The following USP31 variants were observed in gnomAD, a reference collection of about 807,000 sequenced individuals.
USP31 encodes the protein ubiquitin carboxyl-terminal hydrolase 31.
Under a neutral mutation model 119.4 loss-of-function variants are expected in USP31, and 44 were observed. The observed-to-expected ratio is 0.37, with a 90% CI of 0.29 to 0.47. USP31 has a LOEUF of 0.47. Among genes scored for constraint, USP31 ranks in the 20% least tolerant of loss-of-function variants. The pLI is 0.99. For missense variants in USP31, 1,643 were observed against 1,730.2 expected (o/e 0.95, Z 0.89); for synonymous variants, 749 against 705.6 (o/e 1.06, Z -0.97).
At chr16:23,148,140 T>C (rs981771516) in intron 1 of USP31, among the ~76,000 whole-genome samples, 6 of 152,106 alleles carry the variant, frequency 3.9e-5, no homozygotes. Context: ...TAAAAAACGG[T>C]TAAATATGGG....
chr16:23,122,747 T>C (rs538640597), intron 1 of USP31, among the ~76,000 whole-genome samples: 17 of 152,156 alleles, frequency 1.1e-4, no homozygotes, highest in Middle Eastern at 3.4e-3. Context: ...CCAGACTAGA[T>C]AGAGACACAA....
In USP31 at chr16:23,062,287, C is replaced by T. The variant is rs927849324; in HGVS notation, c.*5759G>A. 6.6e-6 allele frequency: 1 copy of T among 151,846 alleles called. No individual in the cohort carries two copies. Among genetic ancestry groups the T allele is most frequent in the African/African-American group, 2.4e-5 (1 of 41,190 alleles). 9.4% of individuals were successfully genotyped at this position (151,846 alleles called of 1,614,324 possible). A position where few individuals can be genotyped will look rare whatever the true frequency, so the allele number is the denominator to read the frequency against. Reference sequence around the variant, plus strand: ...TGCCTCCACAGTTAACACAGAGTGCCAAATTCTGGGATGTGTATTACTTAA... The same window carrying T: ...TGCCTCCACAGTTAACACAGAGTGCTAAATTCTGGGATGTGTATTACTTAA... On this transcript the variant is annotated 3_prime_UTR_variant, in exon 16 of 16. Coordinates refer to ENST00000219689, the MANE Select transcript of USP31 (RefSeq NM_020718.4).
At position 23,061,728 on chromosome 16, in the gene USP31, C is replaced by G. The variant is rs927561569; in HGVS notation, c.*6318G>C. ...GAAAATGAAAACGACACAGAAATCA[C>G]TATCCACGGTGCATGAGTAATACCA... On this transcript the variant is annotated 3_prime_UTR_variant, in exon 16 of 16. Coordinates refer to ENST00000219689, the MANE Select transcript of USP31 (RefSeq NM_020718.4). 6.6e-6 allele frequency: 1 copy of G among 152,524 alleles called. No individual in the cohort carries two copies. Among genetic ancestry groups the G allele is most frequent in the South Asian group, 2.1e-4 (1 of 4,836 alleles). The allele number at this position is 152,524 out of a possible 1,614,324, so 9.4% of individuals were successfully genotyped here.
At chr16:23,118,599 C>A (rs183328418) in intron 1 of USP31, among the ~76,000 whole-genome samples, 16 of 152,280 alleles carry the variant, frequency 1.1e-4, no homozygotes, top group Admixed American at 9.2e-4. Flanking sequence ...TATATGACTT[C>A]TTACATTACG....
chr16:23,073,637 G>A, intron 14 of USP31, 85 bp downstream of exon 14: 1 of 1,476,828 alleles, frequency 6.8e-7, no homozygotes, highest in Non-Finnish European at 9.2e-7. Context: ...ACAGAGTCAT[G>A]AGAGCCTCCA....
At chr16:23,085,721 T>C in intron 9 of USP31, 59 bp from the exon 10 acceptor site, 1 of 1,380,510 alleles carries the variant, frequency 7.2e-7, no homozygotes, top group Non-Finnish European at 1.0e-6. Flanking sequence ...CAAATGATTT[T>C]ACTTAATGTG....
Position 23,149,074 on chromosome 16 carries a change from C to A in USP31, c.197G>T (p.Ser66Ile). 1 of 1,272,322 alleles carries A rather than the reference C, an allele frequency of 7.9e-7. No individual in the cohort carries two copies. The highest frequency in any genetic ancestry group is 1.9e-5 in the South Asian group (1 of 52,564). The allele number at this position is 1,272,322 out of a possible 1,614,324, so 78.8% of individuals were successfully genotyped here. ...SSARSVGSFM[S>I]RVLKTLSTLS... is the part of the protein sequence containing the mutation. ...CGTGGACAGCGTCTTGAGAACGCGG[C>A]TCATGAAGCTGCCCACCGAGCGTGC... Residue 66 changes from serine to isoleucine, a missense_variant, in exon 1 of 16, where the codon AGC (serine) becomes ATC (isoleucine). Physicochemically the swap from Ser to Ile is moderately radical, Grantham distance 142 (BLOSUM62 -2). Transcript: ENST00000219689.
chr16:23,081,366 C>G (rs1273500569), intron 12 of USP31, among the ~76,000 whole-genome samples: 4 of 152,176 alleles, frequency 2.6e-5, no homozygotes, highest in Non-Finnish European at 4.4e-5. Flanking sequence ...ACTCTTCACT[C>G]CCATAGGAGC....
At chr16:23,147,104 G>A (rs1012687527) in intron 1 of USP31, among the ~76,000 whole-genome samples, 2 of 151,792 alleles carry the variant, frequency 1.3e-5, no homozygotes, top group Admixed American at 6.6e-5. Flanking sequence ...GTGACTTCAC[G>A]CTGTTTTTGT....
intron 6 of USP31, among the ~76,000 whole-genome samples, chr16:23,093,782 T>C (rs940944361): frequency 5.3e-5 from 8 of 152,118 alleles, no homozygotes; most frequent in African/African-American, 1.9e-4. Flanking sequence ...AAAAAACAAA[T>C]GCCCATCAAT....
intron 13 of USP31, 113 bp downstream of exon 13, chr16:23,079,833 G>T: frequency 3.1e-6 from 3 of 977,246 alleles, no homozygotes; most frequent in Non-Finnish European, 4.4e-6. Flanking sequence ...CCTCACAGTT[G>T]GCACACTGCC....
At chr16:23,135,718 G>C (rs1385581890) in intron 1 of USP31, among the ~76,000 whole-genome samples, 1 of 152,100 alleles carries the variant, frequency 6.6e-6, no homozygotes, top group Non-Finnish European at 1.5e-5. Flanking sequence ...CATCTTCATG[G>C]CTTAAAAGAC....
intron 1 of USP31, among the ~76,000 whole-genome samples, chr16:23,142,713 T>C (rs1328042643): frequency 2.0e-5 from 3 of 152,198 alleles, no homozygotes; most frequent in East Asian, 1.9e-4. Context: ...CATGATTCTA[T>C]CAACTTTCTC....
chr16:23,107,232 C>T (rs1427775630), intron 2 of USP31, among the ~76,000 whole-genome samples: 4 of 152,148 alleles, frequency 2.6e-5, no homozygotes, highest in African/African-American at 9.7e-5. Flanking sequence ...CTTTTCATGT[C>T]CCTCCGCCTA....
chr16:23,081,102 A>C (rs1900801693), intron 12 of USP31, among the ~76,000 whole-genome samples: 1 of 152,200 alleles, frequency 6.6e-6, no homozygotes, highest in Non-Finnish European at 1.5e-5. Context: ...AAGAATGGGG[A>C]GGGGACACAC....
intron 1 of USP31, among the ~76,000 whole-genome samples, chr16:23,144,236 G>A (rs1220966552): frequency 2.0e-5 from 3 of 152,172 alleles, no homozygotes; most frequent in Admixed American, 1.3e-4. Context: ...CAAAGACATA[G>A]TAAGTGCTTT....
rs574369303 is a variant in USP31, at chr16:23,124,941, G to C, written c.634-16758C>G. ...TAGAGTATCTACGCATCAAAGGCAA[G>C]CTATAAAACAATCAGACTTGCAAAG... On this transcript the variant is annotated intron_variant, in intron 1 of 15. Transcript: ENST00000219689. 2.0e-4 allele frequency among the ~76,000 whole-genome samples: 31 copies of C among 152,222 alleles called. 1 individual carries two copies. In the South Asian group the frequency reaches 6.4e-3, roughly 32 times the overall value.
Position 23,067,184 on chromosome 16 carries a change from T to C in USP31, c.*862A>G, listed in dbSNP as rs1450249349. 1 of 152,638 alleles carries C rather than the reference T, an allele frequency of 6.6e-6. No individual in the cohort carries two copies. The highest frequency in any genetic ancestry group is 1.5e-5 in the Non-Finnish European group (1 of 68,046). 9.5% of individuals were successfully genotyped at this position (152,638 alleles called of 1,614,324 possible). On this transcript the variant is annotated 3_prime_UTR_variant, in exon 16 of 16. Transcript: ENST00000219689. ...CTGTCAAAGGTGTTAACTGCTCTAC[T>C]ACAGTGCAAAATTCCAAGAGCCTTA...
chr16:23,079,806 C>T (rs1225765572), intron 13 of USP31, 140 bp downstream of exon 13: 10 of 735,868 alleles, frequency 1.4e-5, no homozygotes, highest in Non-Finnish European at 1.7e-5. Flanking sequence ...GGCAGAGATC[C>T]AGAGGATGGA....
Sources: gnomAD v4.1 joint callset for allele counts (sites outside exome capture counted in the v4.1 genomes callset) on GRCh38, gnomAD v4.1.1 for gene constraint, MANE v1.5 for transcripts, NCBI Gene and HGNC (gene_info 2026-07-23, HGNC 2026-07-21) for gene names.